PDXK: variants seen among roughly 807,000 people sequenced by gnomAD.
PDXK encodes pyridoxal kinase, also known as epididymis secretory sperm binding protein Li 1a.
Under a neutral mutation model 43.2 loss-of-function variants are expected in PDXK, and 15 were observed. The observed-to-expected ratio is 0.35, with a 90% CI of 0.23 to 0.53. The LOEUF (loss-of-function observed/expected upper bound fraction) is 0.53, where lower values mean the gene tolerates loss of function less well. Among genes scored for constraint, PDXK ranks in the 20% least tolerant of loss-of-function variants. The pLI is 0.92. For missense variants in PDXK, 343 were observed against 417.0 expected (o/e 0.82, Z 1.54); for synonymous variants, 172 against 165.4 (o/e 1.04, Z -0.31).
rs567061469 is a variant in PDXK at position 43,723,713 on chromosome 21, C to T, written c.87+4332C>T. The T allele has an allele frequency of 5.2e-5, 8 of 152,386 alleles. 2 individuals are homozygous for T. The highest frequency in any genetic ancestry group is 1.7e-4 in the African/African-American group (7 of 41,572). The allele number at this position is 152,386 out of a possible 1,614,324, so 9.4% of individuals were successfully genotyped here. On this transcript the variant is annotated intron_variant, in intron 1 of 10. Coordinates refer to ENST00000291565, the MANE Select transcript of PDXK (RefSeq NM_003681.5). The surrounding 1 kb of genome is among the most constrained non-coding windows in gnomAD (Gnocchi z 4.1). ...AAGCACGTCTGAGGCCAGTAGCTGC[C>T]CTGTGGGGAGAGGCAAGCCTGTCCT... is the stretch of plus-strand genomic sequence containing the variant.
Position 43,760,591 on chromosome 21 carries a change from A to T in PDXK, c.*4528A>T, listed in dbSNP as rs975720870. The stretch of plus-strand genomic sequence containing the variant: ...GAGCCAGGGCCAGGTCCCTGCGTCC[A>T]TCCCCCCCGGTAGGATGGACGTGAG... On this transcript the variant is annotated 3_prime_UTR_variant, in exon 11 of 11. Coordinates refer to ENST00000291565, the MANE Select transcript of PDXK (RefSeq NM_003681.5). 1 of 152,186 alleles carries T rather than the reference A, an allele frequency of 6.6e-6. No individual in the cohort carries two copies. Among genetic ancestry groups the T allele is most frequent in the Non-Finnish European group, 1.5e-5 (1 of 68,038 alleles). The allele number at this position is 152,186 out of a possible 1,614,324, so 9.4% of individuals were successfully genotyped here.
intron 4 of PDXK, among the ~76,000 whole-genome samples, chr21:43,744,226 G>T (rs560649190): frequency 4.6e-5 from 7 of 152,136 alleles, no homozygotes; most frequent in South Asian, 2.1e-4. Context: ...GCTAGGGAGT[G>T]GGGGGAGGGA....
At chr21:43,743,904 T>C in intron 4 of PDXK, 97 bp downstream of exon 4, 1 of 767,892 alleles carries the variant, frequency 1.3e-6, no homozygotes, top group Admixed American at 2.1e-5. Flanking sequence ...TCCTTCCTCC[T>C]CTGCACGCCT....
In PDXK at chr21:43,734,191, G is replaced by A. The variant is rs2083366951; in HGVS notation, c.142+68G>A. ...GTGTGAGGGACGGGGCGGAGTGTGGGTGTGAGGGACGGGGCGGAGTGTGGG... is the reference window on the plus strand; with the variant it reads ...GTGTGAGGGACGGGGCGGAGTGTGGATGTGAGGGACGGGGCGGAGTGTGGG... On this transcript the variant is annotated intron_variant, in intron 2 of 10. Transcript: ENST00000291565. This position sits in a 1 kb window ranked among gnomAD's most constrained non-coding sequence, Gnocchi z 5.0. 1 of 1,441,514 alleles carries A rather than the reference G, an allele frequency of 6.9e-7. No individual in the cohort carries two copies. Among genetic ancestry groups the A allele is most frequent in the Non-Finnish European group, 9.8e-7 (1 of 1,024,926 alleles). The allele number at this position is 1,441,514 out of a possible 1,614,324, so 89.3% of individuals were successfully genotyped here.
Position 43,732,059 on chromosome 21 carries a change from G to A in PDXK, c.88-2010G>A, listed in dbSNP as rs1161195277. On this transcript the variant is annotated intron_variant, in intron 1 of 10. Transcript: ENST00000291565. This position sits in a 1 kb window ranked among gnomAD's most constrained non-coding sequence, Gnocchi z 4.1. The stretch of plus-strand genomic sequence containing the variant: ...TTCCGCTGCTGCTATGGGAAGGGAC[G>A]GTCACTACCGCTGCCCCTGTGGGGA... The A allele has an allele frequency of 1.2e-5, 10 of 827,224 alleles. No individual in the cohort carries two copies. Among genetic ancestry groups the A allele is most frequent in the Admixed American group, 4.6e-5 (1 of 21,912 alleles). The allele number at this position is 827,224 out of a possible 1,614,324, so 51.2% of individuals were successfully genotyped here.
intron 1 of PDXK, among the ~76,000 whole-genome samples, chr21:43,722,941 C>A (rs893974111): frequency 2.0e-5 from 3 of 152,122 alleles, no homozygotes; most frequent in African/African-American, 7.2e-5. Flanking sequence ...GGGTTCATGC[C>A]ATTCTCCTGC....
At position 43,734,145 on chromosome 21, in the gene PDXK, C is replaced by T; in HGVS notation, c.142+22C>T. The T allele has an allele frequency of 6.2e-7, 1 of 1,610,236 alleles. No homozygotes were observed. The highest frequency in any genetic ancestry group is 8.5e-7 in the Non-Finnish European group (1 of 1,176,494). On this transcript the variant is annotated intron_variant, in intron 2 of 10. Transcript: ENST00000291565. This position sits in a 1 kb window ranked among gnomAD's most constrained non-coding sequence, Gnocchi z 5.0. ...ACAGGTAAGGCGTTGGCTCCAGCAG[C>T]TGGCATAGAGCAGACTGTGGGTGTG... is the stretch of plus-strand genomic sequence containing the variant.
Position 43,719,314 on chromosome 21 carries a change from T to G in PDXK, c.20T>G (p.Val7Gly). Residue 7 changes from valine to glycine, a missense_variant, in exon 1 of 11, where the codon GTG becomes GGG. Val to Gly is a moderately radical substitution (Grantham distance 109, BLOSUM62 -3). Transcript: ENST00000291565. ...CCCGGCATGGAGGAGGAGTGCCGGG[T>G]GCTCTCCATACAGAGCCACGTCATC... is the stretch of plus-strand genomic sequence containing the variant. Reference protein sequence around the residue: MEEECRVLSIQSHVIRG... With the variant: MEEECRGLSIQSHVIRG... 6.7e-7 allele frequency: 1 copy of G among 1,497,576 alleles called. No individual in the cohort carries two copies. The highest frequency in any genetic ancestry group is 2.9e-5 in the East Asian group (1 of 34,176). 92.8% of individuals were successfully genotyped at this position (1,497,576 alleles called of 1,614,324 possible).
At chr21:43,736,575 G>C (rs2083406183) in intron 2 of PDXK, among the ~76,000 whole-genome samples, 1 of 151,928 alleles carries the variant, frequency 6.6e-6, no homozygotes, top group Non-Finnish European at 1.5e-5. Context: ...CTGGGATGAT[G>C]CTGCCAGGGA....
intron 7 of PDXK, 60 bp from the exon 8 acceptor site, chr21:43,752,458 G>A: frequency 1.7e-6 from 2 of 1,153,506 alleles, no homozygotes; most frequent in Non-Finnish European, 2.6e-6. Flanking sequence ...GGAGTGGGGT[G>A]TGACCAGCCG....
chr21:43,722,548 CTCATTGTAGCAGAAAT>C (rs995716553), intron 1 of PDXK, among the ~76,000 whole-genome samples: 6 of 152,170 alleles, frequency 3.9e-5, no homozygotes, highest in Non-Finnish European at 8.8e-5. Context: ...AACCAGGTTG[CTCATTGTAGCAGAAAT>C]TCACCTCTCA....
chr21:43,747,131 C>CA (rs2083652154), intron 5 of PDXK: 1 of 152,210 alleles, frequency 6.6e-6, no homozygotes, highest in African/African-American at 2.4e-5. Flanking sequence ...GACCCCATCT[C>CA]AAAAAACAAA....
intron 9 of PDXK, 21 bp from the exon 10 acceptor site, chr21:43,755,677 G>A (rs1467893856): frequency 3.1e-6 from 5 of 1,604,330 alleles, no homozygotes; most frequent in Non-Finnish European, 4.3e-6. Flanking sequence ...CAGGGGCACA[G>A]CAAGTCTGTC....
At chr21:43,742,763 G>A (rs1363847024) in intron 3 of PDXK, among the ~76,000 whole-genome samples, 1 of 152,132 alleles carries the variant, frequency 6.6e-6, no homozygotes, top group African/African-American at 2.4e-5. Context: ...AGCTACTCGG[G>A]AAGCTCAGGT....
rs570387699 is a variant in PDXK, at chr21:43,740,959, A to C, written c.143-708A>C. The C allele has an allele frequency of 1.9e-3, 287 of 149,538 alleles. 4 individuals are homozygous for C. The highest frequency in any genetic ancestry group is 8.2e-3 in the Admixed American group (123 of 15,050). 9.3% of individuals were successfully genotyped at this position (149,538 alleles called of 1,614,324 possible). On this transcript the variant is annotated intron_variant, in intron 2 of 10. Coordinates refer to ENST00000291565, the MANE Select transcript of PDXK (RefSeq NM_003681.5). ...GGGACTAATGCAGGAGACGCTGGGA[A>C]ACAAGAGACTGTGACGTTGTGCGGA... is the stretch of plus-strand genomic sequence containing the variant.
In PDXK at chr21:43,737,187, T is replaced by G; in HGVS notation, c.142+3064T>G. ...CAGACTCCCGGCAGGGACACGGGTG[T>G]TCCACACAAGCTGCGTTGTTGGTTC... On this transcript the variant is annotated intron_variant, in intron 2 of 10. Coordinates refer to ENST00000291565, the MANE Select transcript of PDXK (RefSeq NM_003681.5). This position sits in a 1 kb window ranked among gnomAD's most constrained non-coding sequence, Gnocchi z 4.8. 1 of 1,447,442 alleles carries G rather than the reference T, an allele frequency of 6.9e-7. No homozygotes were observed. Among genetic ancestry groups the G allele is most frequent in the Non-Finnish European group, 9.1e-7 (1 of 1,101,826 alleles). The allele number at this position is 1,447,442 out of a possible 1,614,324, so 89.7% of individuals were successfully genotyped here.
intron 2 of PDXK, chr21:43,738,939 T>TC (rs1555884085): frequency 6.6e-6 from 1 of 151,020 alleles, no homozygotes; most frequent in Non-Finnish European, 1.5e-5. Context: ...CTTTTTCTTT[T>TC]TTTTTTTTTT....
At chr21:43,719,433 G>T in intron 1 of PDXK, 52 bp downstream of exon 1, 1 of 1,470,672 alleles carries the variant, frequency 6.8e-7, no homozygotes, top group Non-Finnish European at 9.1e-7. Flanking sequence ...CGTGACCTTG[G>T]CGGGGCTGCC....
chr21:43,734,235 C>G lies in PDXK; in HGVS notation c.142+112C>G, dbSNP rs187699650. 6 of 993,878 alleles carry G rather than the reference C, an allele frequency of 6.0e-6. No homozygotes were observed. Among genetic ancestry groups the G allele is most frequent in the Admixed American group, 1.8e-5 (1 of 54,906 alleles). The allele number at this position is 993,878 out of a possible 1,614,324, so 61.6% of individuals were successfully genotyped here. On this transcript the variant is annotated intron_variant, in intron 2 of 10. Transcript: ENST00000291565. The surrounding 1 kb of genome is among the most constrained non-coding windows in gnomAD (Gnocchi z 5.0). ...GTGTGGGTGTGAGGGACGGGGCTTT[C>G]GTGTGGACGGGGACCTGGAGTCCTG...
Sources: allele counts gnomAD v4.1 joint callset (sites outside exome capture counted in the v4.1 genomes callset), GRCh38; gene constraint gnomAD v4.1.1; non-coding constraint Gnocchi (gnomAD v3.1); transcripts MANE v1.5; gene names NCBI Gene and HGNC (gene_info 2026-07-23, HGNC 2026-07-21).